CDH18: variants seen among roughly 807,000 people sequenced by gnomAD.
The protein encoded by CDH18 is cadherin-18.
A neutral mutation model predicts 67.9 loss-of-function variants in CDH18; 31 were observed. The ratio of observed to expected loss-of-function variants is 0.46; its 90% CI spans 0.34 to 0.62. The LOEUF is 0.62. Among genes scored for constraint, CDH18 ranks in the 20% least tolerant of loss-of-function variants. The pLI is 0.01. For synonymous variants in CDH18, 362 were observed against 347.2 expected (o/e 1.04, Z -0.48); for missense variants, 890 against 975.5 (o/e 0.91, Z 1.17).
At chr5:19,599,879 T>C (rs187505102) in intron 6 of CDH18, among the ~76,000 whole-genome samples, 159 of 152,170 alleles carry the variant, frequency 1.0e-3, no homozygotes, top group African/African-American at 3.7e-3. Context: ...AGAGCGAGAC[T>C]GTGTCTCAAT....
chr5:19,978,293 T>C (rs1579917626), intron 2 of CDH18, among the ~76,000 whole-genome samples: 2 of 152,146 alleles, frequency 1.3e-5, no homozygotes, highest in African/African-American at 4.8e-5. Flanking sequence ...TTGAGGCAAC[T>C]AGCATCCTTC....
chr5:19,574,826 A>C (rs1371030207), intron 7 of CDH18, among the ~76,000 whole-genome samples: 4 of 152,004 alleles, frequency 2.6e-5, no homozygotes, highest in African/African-American at 9.6e-5. Context: ...GCGGATCACG[A>C]GGTCAGGAGG....
intron 2 of CDH18, among the ~76,000 whole-genome samples, chr5:20,129,625 T>A (rs1199603651): frequency 6.6e-6 from 1 of 152,058 alleles, no homozygotes; most frequent in Non-Finnish European, 1.5e-5. Flanking sequence ...ACTATTTCTT[T>A]GTTGTTATCT....
At chr5:20,450,610 C>T (rs1290927535) in intron 1 of CDH18, among the ~76,000 whole-genome samples, 1 of 152,124 alleles carries the variant, frequency 6.6e-6, no homozygotes, top group Non-Finnish European at 1.5e-5. Context: ...CATACTGAAG[C>T]AATTGCTAAT....
chr5:20,162,037 T>C (rs1580376406), intron 2 of CDH18, among the ~76,000 whole-genome samples: 1 of 152,146 alleles, frequency 6.6e-6, no homozygotes, highest in East Asian at 1.9e-4. Flanking sequence ...ATTTAATGCA[T>C]ACTTACACTG....
At chr5:20,394,001 T>A (rs187648114) in intron 1 of CDH18, among the ~76,000 whole-genome samples, 33 of 152,082 alleles carry the variant, frequency 2.2e-4, no homozygotes, top group African/African-American at 7.9e-4. Context: ...AGATAACAGA[T>A]TCAATGAAAT....
At chr5:20,549,993 A>C (rs9292946) in intron 1 of CDH18, among the ~76,000 whole-genome samples, 107,192 of 152,006 alleles carry the variant, frequency 0.71, 38,151 homozygotes, top group East Asian at 0.98. Flanking sequence ...TATCTAAAAT[A>C]TTTGAAATGC....
rs540018515 is a variant in CDH18 at position 19,677,194 on chromosome 5, C to T, written c.643+44153G>A. Among the ~76,000 whole-genome samples, 3 of 152,116 alleles carry T rather than the reference C, an allele frequency of 2.0e-5. No individual in the cohort carries two copies. In the South Asian group the frequency reaches 6.2e-4, roughly 32 times the overall value. ...CATCTACAAAGGGGACTGCATCAGG[C>T]TAACAGTGTAACTTTCAGCAGAAAC... On this transcript the variant is annotated intron_variant, in intron 5 of 12. Coordinates refer to ENST00000382275, the MANE Select transcript of CDH18 (RefSeq NM_004934.5).
intron 2 of CDH18, among the ~76,000 whole-genome samples, chr5:20,069,595 T>C (rs1340875736): frequency 6.6e-6 from 1 of 151,978 alleles, no homozygotes; most frequent in African/African-American, 2.4e-5. Context: ...GTATTTTTAG[T>C]AGAGACGGAG....
intron 2 of CDH18, among the ~76,000 whole-genome samples, chr5:19,936,285 A>T (rs1794248956): frequency 1.3e-5 from 2 of 151,276 alleles, no homozygotes; most frequent in African/African-American, 2.4e-5. Flanking sequence ...TTTCAACAAG[A>T]AATGTTTTGA....
chr5:19,566,190 T>G (rs1740360823), intron 8 of CDH18, among the ~76,000 whole-genome samples: 1 of 152,110 alleles, frequency 6.6e-6, no homozygotes, highest in East Asian at 1.9e-4. Context: ...CTCACCCCAG[T>G]TAAAATGGCT....
intron 2 of CDH18, among the ~76,000 whole-genome samples, chr5:20,180,710 G>A (rs938180203): frequency 2.0e-5 from 3 of 151,984 alleles, no homozygotes; most frequent in South Asian, 2.1e-4. Context: ...CCAGTGCATT[G>A]TTGGCACCAT....
At chr5:20,089,706 G>A (rs905030432) in intron 2 of CDH18, among the ~76,000 whole-genome samples, 1 of 151,962 alleles carries the variant, frequency 6.6e-6, no homozygotes, top group Non-Finnish European at 1.5e-5. Context: ...TTTTATGATG[G>A]CAATTTTATT....
chr5:20,253,794 G>A (rs1224078440), intron 2 of CDH18, among the ~76,000 whole-genome samples: 1 of 152,138 alleles, frequency 6.6e-6, no homozygotes, highest in African/African-American at 2.4e-5. Context: ...TGAGAGTGAA[G>A]GGGAGAGAAT....
chr5:19,543,622 T>C (rs1418520609), intron 9 of CDH18, among the ~76,000 whole-genome samples: 2 of 152,110 alleles, frequency 1.3e-5, no homozygotes, highest in Non-Finnish European at 2.9e-5. Context: ...TGCCCTTGAC[T>C]CAAGGATGAG....
At chr5:19,954,761 C>A (rs141758827) in intron 2 of CDH18, among the ~76,000 whole-genome samples, 1 of 152,074 alleles carries the variant, frequency 6.6e-6, no homozygotes, top group East Asian at 1.9e-4. Context: ...CACACACTAA[C>A]TCACACATAC....
intron 1 of CDH18, among the ~76,000 whole-genome samples, chr5:20,545,513 C>A (rs949463641): frequency 6.6e-6 from 1 of 152,202 alleles, no homozygotes; most frequent in Non-Finnish European, 1.5e-5. Flanking sequence ...TGTCTCTGCA[C>A]ACCTACAAGC....
intron 2 of CDH18, among the ~76,000 whole-genome samples, chr5:20,140,968 T>A (rs547705713): frequency 6.6e-6 from 1 of 152,284 alleles, no homozygotes; most frequent in Admixed American, 6.6e-5. Flanking sequence ...AATTTGCACA[T>A]ACTTGGATGC....
intron 2 of CDH18, among the ~76,000 whole-genome samples, chr5:19,915,235 C>T (rs936639102): frequency 7.2e-5 from 11 of 152,070 alleles, no homozygotes; most frequent in African/African-American, 2.7e-4. Context: ...CTTCCCAGTT[C>T]GTTTCTCAGT....
Sources: allele counts gnomAD v4.1 joint callset (sites outside exome capture counted in the v4.1 genomes callset), GRCh38; gene constraint gnomAD v4.1.1; transcripts MANE v1.5; gene names NCBI Gene and HGNC (gene_info 2026-07-23, HGNC 2026-07-21).